WDR18: variants seen among roughly 807,000 people sequenced by gnomAD.
WDR18 encodes WD repeat-containing protein 18.
A neutral mutation model predicts 49.6 loss-of-function variants in WDR18; 33 were observed. That is an observed-to-expected ratio of 0.67 (90% CI 0.50 to 0.89). The LOEUF is 0.89. Ranked by LOEUF, WDR18 falls within the 40% of genes least tolerant of loss-of-function variation. The pLI is 0.00. For missense variants in WDR18, 653 were observed against 593.6 expected (o/e 1.10, Z -1.04); for synonymous variants, 315 against 263.6 (o/e 1.19, Z -1.89).
chr19:992,618 C>T (rs924871694), intron 8 of WDR18, among the ~76,000 whole-genome samples: 7 of 152,198 alleles, frequency 4.6e-5, no homozygotes, highest in Admixed American at 2.0e-4. Flanking sequence ...TCAGCACCGA[C>T]CCCCGCTCTG....
intron 2 of WDR18, among the ~76,000 whole-genome samples, chr19:986,436 ATTTG>A (rs1278079238): frequency 2.0e-5 from 3 of 151,974 alleles, no homozygotes; most frequent in Non-Finnish European, 4.4e-5. Flanking sequence ...CACCTGGCTA[ATTTG>A]TTTGTATTTA....
chr19:992,676 T>G (rs1480573519), intron 8 of WDR18, among the ~76,000 whole-genome samples: 1 of 152,138 alleles, frequency 6.6e-6, no homozygotes, highest in African/African-American at 2.4e-5. Context: ...TAGAGTGACT[T>G]CCGGAACACT....
intron 3 of WDR18, 35 bp from the exon 4 acceptor site, chr19:990,188 C>T (rs748952248): frequency 3.0e-5 from 47 of 1,574,556 alleles, no homozygotes; most frequent in African/African-American, 1.6e-4. Context: ...TCCCTCCGCT[C>T]CCCGCCTGCT....
intron 4 of WDR18, chr19:990,645 G>A (rs4337411): frequency 0.12 from 98,945 of 836,206 alleles, 6,537 homozygotes; most frequent in South Asian, 0.2. Context: ...GGGAGAACCA[G>A]GGGTCATCAG....
At position 990,882 on chromosome 19, in the gene WDR18, C is replaced by T. The variant is rs772384123; in HGVS notation, c.628C>T (p.Leu210Phe). The T allele has an allele frequency of 6.2e-7, 1 of 1,611,950 alleles. No individual in the cohort carries two copies. Among genetic ancestry groups the T allele is most frequent in the South Asian group, 1.1e-5 (1 of 90,966 alleles). ...GGAGGTCTCCTCGGGGGAGCTGCTG[C>T]TCTCCGTCCTCTTTGACGTGTCCAT... ...LWEVSSGELL[L>F]SVLFDVSIMA... is the part of the protein sequence containing the mutation. Residue 210 changes from leucine to phenylalanine, a missense_variant, in exon 5 of 10, where the codon CTC (leucine) becomes TTC (phenylalanine). Transcript: ENST00000585809.
At position 990,959 on chromosome 19, in the gene WDR18, T is replaced by G. The variant is rs1191903726; in HGVS notation, c.705T>G (p.Ser235Arg). 2 of 1,611,946 alleles carry G rather than the reference T, an allele frequency of 1.2e-6. No individual in the cohort carries two copies. Among genetic ancestry groups the G allele is most frequent in the East Asian group, 2.2e-5 (1 of 44,868 alleles). The change falls in exon 5 of 10, where the codon AGT (serine) becomes AGG (arginine). Residue 235 changes from serine to arginine, a missense_variant. Coordinates refer to ENST00000585809, the MANE Select transcript of WDR18 (RefSeq NM_024100.4). ...AGCACCATATGTTCTGCGGGGGCAG[T>G]GAGGGCTCCATCTTCCAGGTCGACC... ...LAEHHMFCGG[S>R]EGSIFQVDLF...
At position 991,987 on chromosome 19, in the gene WDR18, C is replaced by A. The variant is rs746384097; in HGVS notation, c.964C>A (p.Pro322Thr). 6.3e-7 allele frequency: 1 copy of A among 1,596,912 alleles called. No homozygotes were observed. Among genetic ancestry groups the A allele is most frequent in the East Asian group, 2.3e-5 (1 of 43,910 alleles). Residue 322 changes from proline to threonine, a missense_variant, in exon 8 of 10, where the codon CCC (proline) becomes ACC (threonine). Transcript: ENST00000585809. ...PVTNAAILLA[P>T]VSMLSSDFRP... ...CACCAATGCCGCCATCCTGCTGGCG[C>A]CCGTCAGCATGCTGAGCTCAGACTT...
rs563026050 is a variant in WDR18, at chr19:991,311, C to T, written c.891C>T (p.Asp297=). The change falls in exon 7 of 10, where the codon GAC becomes GAT. Residue 297 remains aspartate, a synonymous_variant. Transcript: ENST00000585809. ...ACGACGAGACCGTGCGCCTCTGGGA[C>T]GTGCAGAGCAAGCAGTGCATCCGGA... The part of the protein sequence containing the change: ...GSHDETVRLW[D]VQSKQCIRTV... 4 of 1,560,190 alleles carry T rather than the reference C, an allele frequency of 2.6e-6. No individual in the cohort carries two copies. The highest frequency in any genetic ancestry group is 3.5e-6 in the Non-Finnish European group (4 of 1,152,406).
chr19:994,132 G>T, intron 9 of WDR18, 44 bp downstream of exon 9: 1 of 1,547,208 alleles, frequency 6.5e-7, no homozygotes, highest in Non-Finnish European at 8.7e-7. Context: ...GCTGGGGTCA[G>T]TCCTGGCCAG....
Position 990,882 on chromosome 19 carries a change from C to G in WDR18, c.628C>G (p.Leu210Val), listed in dbSNP as rs772384123. 6.2e-7 allele frequency: 1 copy of G among 1,611,950 alleles called. No homozygotes were observed. Among genetic ancestry groups the G allele is most frequent in the East Asian group, 2.2e-5 (1 of 44,878 alleles). The stretch of plus-strand genomic sequence containing the variant: ...GGAGGTCTCCTCGGGGGAGCTGCTG[C>G]TCTCCGTCCTCTTTGACGTGTCCAT... ...LWEVSSGELL[L>V]SVLFDVSIMA... Residue 210 changes from leucine to valine, a missense_variant, in exon 5 of 10, where the codon CTC (leucine) becomes GTC (valine). Physicochemically the swap from Leu to Val is conservative, Grantham distance 32 (BLOSUM62 1). Transcript: ENST00000585809.
intron 2 of WDR18, among the ~76,000 whole-genome samples, chr19:988,250 C>G (rs1251944135): frequency 6.6e-6 from 1 of 152,204 alleles, no homozygotes; most frequent in African/African-American, 2.4e-5. Context: ...TCCTCCTGTT[C>G]TCTGTGTAGG....
rs149057789 is a variant in WDR18, at chr19:989,707, C to A, written c.322-55C>A. ...GTGGGTTCCTGGGGCTGCAGCCCCC[C>A]TTTCCTCCCCTGGGGCTTTCCTCCC... On this transcript the variant is annotated intron_variant, in intron 2 of 9. Transcript: ENST00000585809. 2.6e-4 allele frequency: 419 copies of A among 1,602,676 alleles called. 1 individual carries two copies. The African/African-American group carries it at 4.9e-3, about 19-fold the overall frequency.
Position 991,122 on chromosome 19 carries a change from C to T in WDR18, c.783C>T (p.Ala261=), listed in dbSNP as rs1193323575. The T allele has an allele frequency of 2.5e-6, 4 of 1,583,314 alleles. No individual in the cohort carries two copies. The highest frequency in any genetic ancestry group is 2.3e-5 in the South Asian group (2 of 87,806). The change falls in exon 6 of 10, where the codon GCC becomes GCT. Residue 261 remains alanine, a synonymous_variant. Transcript: ENST00000585809. The stretch of plus-strand genomic sequence containing the variant: ...GGAGCTTCCACCCAGAGCAGGACGC[C>T]GGGAAGGTCTTCAAAGGGCACAGGT... ...RERSFHPEQD[A]GKVFKGHRNQ... is the part of the protein sequence containing the mutation.
intron 2 of WDR18, among the ~76,000 whole-genome samples, chr19:986,875 G>A (rs2038480977): frequency 6.6e-6 from 1 of 152,164 alleles, no homozygotes; most frequent in Admixed American, 6.5e-5. Context: ...TATATTTCGG[G>A]GGAGACCTGC....
chr19:991,007 G>C lies in WDR18; in HGVS notation c.741+12G>C, dbSNP rs374236381. ...ACCTCTTCACCTGGGTGAGTGCCGC[G>C]GTCTGCGGGCTGCACCCTGCCCTGG... On this transcript the variant is annotated intron_variant, in intron 5 of 9. Transcript: ENST00000585809. 1 of 1,604,262 alleles carries C rather than the reference G, an allele frequency of 6.2e-7. No homozygotes were observed. Among genetic ancestry groups the C allele is most frequent in the Non-Finnish European group, 8.5e-7 (1 of 1,174,910 alleles).
At chr19:992,330 C>T (rs1052727729) in intron 8 of WDR18, among the ~76,000 whole-genome samples, 9 of 152,350 alleles carry the variant, frequency 5.9e-5, no homozygotes, top group Admixed American at 1.3e-4. Context: ...AGAAGTTAAC[C>T]ACCCCTCTTC....
At chr19:991,042 C>T in intron 5 of WDR18, 39 bp from the exon 6 acceptor site, 3 of 1,598,966 alleles carry the variant, frequency 1.9e-6, no homozygotes, top group Non-Finnish European at 2.6e-6. Flanking sequence ...GGGCTGAGGG[C>T]ATCGGGCCTG....
intron 1 of WDR18, among the ~76,000 whole-genome samples, chr19:985,061 C>T (rs1275155480): frequency 6.6e-6 from 1 of 152,192 alleles, no homozygotes; most frequent in Non-Finnish European, 1.5e-5. Flanking sequence ...TGCAGCCAGT[C>T]CCTGAAGCTA....
At chr19:991,379 CCAG>C (rs1325929658) in intron 7 of WDR18, 28 bp downstream of exon 7, 1 of 1,528,534 alleles carries the variant, frequency 6.5e-7, no homozygotes, top group Non-Finnish European at 8.8e-7. Flanking sequence ...CGGCCCGCGG[CCAG>C]CGCGCAGGGG....
Sources: gnomAD v4.1 joint callset for allele counts (sites outside exome capture counted in the v4.1 genomes callset) on GRCh38, gnomAD v4.1.1 for gene constraint, MANE v1.5 for transcripts, NCBI Gene and HGNC (gene_info 2026-07-23, HGNC 2026-07-21) for gene names.